TSPAN7: variants seen among roughly 807,000 people sequenced by gnomAD.
TSPAN7 encodes the protein tetraspanin-7.
Under a neutral mutation model 17.6 loss-of-function variants are expected in TSPAN7, and 1 was observed. The observed-to-expected ratio is 0.06, with a 90% CI of 0.02 to 0.27. TSPAN7 has a LOEUF of 0.27. TSPAN7 is among the 10% of genes least tolerant of loss of function. TSPAN7 has a pLI of 1.00. For missense variants in TSPAN7, 112 were observed against 201.7 expected, an observed-to-expected ratio of 0.56 and a Z score of 2.69; for synonymous variants, 78 against 79.0, an observed-to-expected ratio of 0.99 and a Z score of 0.07.
chrX:38,582,419 T>C (rs1054166058), intron 1 of TSPAN7, among the ~76,000 whole-genome samples: 4 of 112,251 alleles, frequency 3.6e-5, no homozygotes, highest in Non-Finnish European at 7.5e-5. Flanking sequence ...TGAGATACCA[T>C]TCTCCTGTCC....
chrX:38,679,762 G>A (rs2069877623), intron 5 of TSPAN7, among the ~76,000 whole-genome samples: 2 of 110,699 alleles, frequency 1.8e-5, no homozygotes, highest in Admixed American at 1.9e-4. Flanking sequence ...AAAAAAAAAT[G>A]TGTGATATAT....
At chrX:38,668,930 G>A (rs754525432) in intron 2 of TSPAN7, among the ~76,000 whole-genome samples, 25 of 94,339 alleles carry the variant, frequency 2.7e-4, no homozygotes, top group African/African-American at 1.1e-3. Flanking sequence ...ATCCTCATCA[G>A]CATTTATTTT....
chrX:38,577,265 G>A (rs2069199260), intron 1 of TSPAN7, among the ~76,000 whole-genome samples: 1 of 111,517 alleles, frequency 9.0e-6, no homozygotes, highest in Non-Finnish European at 1.9e-5. Flanking sequence ...GTTCTCAGAA[G>A]CTTGTTTGCC....
intron 1 of TSPAN7, among the ~76,000 whole-genome samples, chrX:38,608,706 C>G (rs186793654): frequency 9.0e-6 from 1 of 111,076 alleles, no homozygotes; most frequent in Non-Finnish European, 1.9e-5. Flanking sequence ...AAATTACTGC[C>G]TGAAAGAAAA....
chrX:38,665,421 G>A (rs1458938156), intron 1 of TSPAN7, among the ~76,000 whole-genome samples: 1 of 111,358 alleles, frequency 9.0e-6, no homozygotes, highest in Non-Finnish European at 1.9e-5. Context: ...GGCATAGTAT[G>A]CACCCTGGAA....
At chrX:38,677,783 T>C (rs1008225070) in intron 5 of TSPAN7, among the ~76,000 whole-genome samples, 5 of 112,672 alleles carry the variant, frequency 4.4e-5, no homozygotes, top group African/African-American at 1.6e-4. Flanking sequence ...TGAGACAAAT[T>C]ACTTTTCCTG....
At chrX:38,625,380 C>T (rs185328966) in intron 1 of TSPAN7, among the ~76,000 whole-genome samples, 15 of 111,796 alleles carry the variant, frequency 1.3e-4, no homozygotes, top group Non-Finnish European at 2.6e-4. Context: ...TTCTCAGCCT[C>T]CCTCAGAGTT....
intron 1 of TSPAN7, among the ~76,000 whole-genome samples, chrX:38,626,033 T>C (rs1230645330): frequency 8.9e-6 from 1 of 112,419 alleles, no homozygotes; most frequent in East Asian, 2.8e-4. Flanking sequence ...GACTGTTTCT[T>C]GTTCACTGCT....
At chrX:38,623,661 AC>A (rs2069502662) in intron 1 of TSPAN7, among the ~76,000 whole-genome samples, 1 of 106,598 alleles carries the variant, frequency 9.4e-6, no homozygotes, top group South Asian at 4.6e-4. Context: ...AACTTCACTC[AC>A]TTTTGCACCA....
intron 1 of TSPAN7, among the ~76,000 whole-genome samples, chrX:38,638,657 C>A (rs138715647): frequency 0.025 from 2,837 of 111,273 alleles, 107 homozygotes; most frequent in African/African-American, 0.089. Context: ...TTGTGTGGAA[C>A]CTTCCTTAAT....
chrX:38,601,014 C>T (rs1264051966), intron 1 of TSPAN7, among the ~76,000 whole-genome samples: 1 of 111,435 alleles, frequency 9.0e-6, no homozygotes, highest in Non-Finnish European at 1.9e-5. Flanking sequence ...TATAAATTTC[C>T]CTTCATATAG....
chrX:38,597,871 A>G (rs2069326055), intron 1 of TSPAN7, among the ~76,000 whole-genome samples: 1 of 111,812 alleles, frequency 8.9e-6, no homozygotes, highest in Admixed American at 9.5e-5. Context: ...ATAATTTCAA[A>G]TAATAATAAC....
chrX:38,562,878 A>T, intron 1 of TSPAN7: 1 of 652,569 alleles, frequency 1.5e-6, no homozygotes, highest in Non-Finnish European at 2.0e-6. Flanking sequence ...GAGGCTCTGT[A>T]GGAAAAGCCA....
chrX:38,595,346 T>A (rs1008625692), intron 1 of TSPAN7, among the ~76,000 whole-genome samples: 1 of 112,186 alleles, frequency 8.9e-6, no homozygotes, highest in African/African-American at 3.2e-5. Flanking sequence ...TATCTAACTT[T>A]TATCCCTTGA....
At chrX:38,666,856 T>G (rs1457285905) in intron 2 of TSPAN7, among the ~76,000 whole-genome samples, 2 of 111,553 alleles carry the variant, frequency 1.8e-5, no homozygotes, top group Non-Finnish European at 3.8e-5. Flanking sequence ...TGCCTCGGCC[T>G]CCCAAAGTGC....
intron 1 of TSPAN7, among the ~76,000 whole-genome samples, chrX:38,619,308 T>C (rs2147422420): frequency 9.0e-6 from 1 of 111,431 alleles, no homozygotes; most frequent in Non-Finnish European, 1.9e-5. Context: ...TCGCTCTGCT[T>C]TGAGTACTTG....
At chrX:38,671,348 ACTTTGT>A (rs1435172906) in intron 2 of TSPAN7, 22 bp from the exon 3 acceptor site, 2 of 1,202,212 alleles carry the variant, frequency 1.7e-6, no homozygotes, top group Admixed American at 4.3e-5. Context: ...GATGTATCTG[ACTTTGT>A]CTTTGTGTGC....
At chrX:38,564,770 A>G (rs2069133082) in intron 1 of TSPAN7, among the ~76,000 whole-genome samples, 1 of 112,009 alleles carries the variant, frequency 8.9e-6, no homozygotes, top group Non-Finnish European at 1.9e-5. Flanking sequence ...TCATTTGTGT[A>G]TCTTTCTTGA....
intron 1 of TSPAN7, among the ~76,000 whole-genome samples, chrX:38,659,068 A>T (rs2069724842): frequency 2.0e-5 from 1 of 49,663 alleles, no homozygotes; most frequent in Non-Finnish European, 3.6e-5. Context: ...ATACATGTAC[A>T]CGAGACAAAA....
Sources: gnomAD v4.1 joint callset for allele counts (sites outside exome capture counted in the v4.1 genomes callset) on GRCh38, gnomAD v4.1.1 for gene constraint, MANE v1.5 for transcripts, NCBI Gene and HGNC (gene_info 2026-07-23, HGNC 2026-07-21) for gene names.